XKR9: variants seen among roughly 807,000 people sequenced by gnomAD.
XKR9 encodes XK-related protein 9.
Under a neutral mutation model 32.0 loss-of-function variants are expected in XKR9, and 32 were observed. The observed-to-expected ratio is 1.00, with a 90% CI of 0.76 to 1.34. The LOEUF is 1.34. XKR9 is among the 40% of genes most tolerant of loss of function. The pLI, the probability that XKR9 is intolerant of heterozygous loss-of-function variation, is 0.00. For missense variants in XKR9, 546 were observed against 429.7 expected (o/e 1.27, Z -2.39); for synonymous variants, 168 against 143.4 (o/e 1.17, Z -1.22).
intron 2 of XKR9, among the ~76,000 whole-genome samples, chr8:70,680,562 T>C (rs1162336060): frequency 2.0e-5 from 3 of 152,122 alleles, no homozygotes; most frequent in African/African-American, 7.2e-5. Context: ...GTGATAAATT[T>C]CTTTGTGGGT....
At chr8:71,017,588 G>C in the XKR9 span, among the ~76,000 whole-genome samples, 1 of 152,166 alleles carries the variant, frequency 6.6e-6, no homozygotes, top group Non-Finnish European at 1.5e-5. Flanking sequence ...AACTCTAAGG[G>C]GTGTTGATGG....
At chr8:70,676,071 A>G (rs1818876036) in intron 2 of XKR9, among the ~76,000 whole-genome samples, 1 of 152,238 alleles carries the variant, frequency 6.6e-6, no homozygotes, top group African/African-American at 2.4e-5. Context: ...CAGGCTGTAC[A>G]GGAAGCAAAG....
chr8:70,845,806 A>G, the XKR9 span, among the ~76,000 whole-genome samples: 1 of 152,180 alleles, frequency 6.6e-6, no homozygotes, highest in Non-Finnish European at 1.5e-5. Context: ...GACATATATG[A>G]CATCCTAAAG....
intron 4 of XKR9, among the ~76,000 whole-genome samples, chr8:70,716,080 TGG>T: frequency 6.6e-6 from 1 of 151,936 alleles, no homozygotes; most frequent in African/African-American, 2.4e-5. Context: ...TAAGAGCAAC[TGG>T]CTTAGAGTGG....
chr8:70,819,973 G>A, the XKR9 span, among the ~76,000 whole-genome samples: 1 of 152,136 alleles, frequency 6.6e-6, no homozygotes. Flanking sequence ...CTTCTAACAA[G>A]GCCCCTTTGG....
At chr8:71,063,967 T>C in the XKR9 span, among the ~76,000 whole-genome samples, 47 of 152,342 alleles carry the variant, frequency 3.1e-4, no homozygotes, top group Admixed American at 1.6e-3. Flanking sequence ...TCTTTTACCT[T>C]GTGTCTTCTT....
chr8:70,961,452 C>T, the XKR9 span, among the ~76,000 whole-genome samples: 93 of 152,192 alleles, frequency 6.1e-4, 1 homozygote, highest in Admixed American at 2.2e-3. Flanking sequence ...TTATTCAAGA[C>T]GGGGAAATGG....
the XKR9 span, among the ~76,000 whole-genome samples, chr8:70,890,226 T>C: frequency 1.3e-5 from 2 of 151,904 alleles, no homozygotes; most frequent in Non-Finnish European, 3.0e-5. Context: ...TAGAGTTTTC[T>C]ATATATAAGA....
At chr8:70,767,619 C>T (rs916080448) in intron 2 of XKR9, among the ~76,000 whole-genome samples, 4 of 151,242 alleles carry the variant, frequency 2.6e-5, no homozygotes, top group African/African-American at 9.7e-5. Context: ...GCCTCAGCCT[C>T]CCAAGTAGCT....
chr8:70,725,052 A>G (rs1224014623), intron 4 of XKR9, among the ~76,000 whole-genome samples: 1 of 152,174 alleles, frequency 6.6e-6, no homozygotes, highest in Non-Finnish European at 1.5e-5. Flanking sequence ...ACGTGGCACC[A>G]GGAAGAAAAA....
chr8:70,848,458 G>C, the XKR9 span, among the ~76,000 whole-genome samples: 2 of 151,808 alleles, frequency 1.3e-5, no homozygotes, highest in Non-Finnish European at 2.9e-5. Flanking sequence ...TTATGCAAGA[G>C]AAAGAAATGA....
At chr8:70,731,836 T>A (rs529560252) in intron 4 of XKR9, among the ~76,000 whole-genome samples, 20 of 152,128 alleles carry the variant, frequency 1.3e-4, no homozygotes, top group African/African-American at 4.8e-4. Context: ...CATCGACAAT[T>A]CCTTCTGAGA....
At chr8:70,741,359 C>T (rs1180389821) in intron 2 of XKR9, among the ~76,000 whole-genome samples, 2 of 152,240 alleles carry the variant, frequency 1.3e-5, no homozygotes, top group East Asian at 3.9e-4. Flanking sequence ...AGGCCCTCAT[C>T]AGATGCTAGT....
At chr8:70,761,046 T>C (rs749972935) in intron 2 of XKR9, among the ~76,000 whole-genome samples, 8 of 152,246 alleles carry the variant, frequency 5.3e-5, no homozygotes, top group African/African-American at 9.6e-5. Context: ...CATGATCTTA[T>C]TCTTTTCTAT....
At chr8:70,855,323 T>C in the XKR9 span, among the ~76,000 whole-genome samples, 1 of 152,020 alleles carries the variant, frequency 6.6e-6, no homozygotes, top group African/African-American at 2.4e-5. Context: ...GAGAACTACA[T>C]GATGAATGCA....
intron 2 of XKR9, chr8:70,780,965 C>G (rs1335881963): frequency 1.3e-5 from 2 of 151,468 alleles, no homozygotes; most frequent in Non-Finnish European, 2.9e-5. Flanking sequence ...TTCAGTGATG[C>G]TGATGTTAAT....
chr8:71,035,562 A>G, the XKR9 span, among the ~76,000 whole-genome samples: 1 of 152,230 alleles, frequency 6.6e-6, no homozygotes, highest in African/African-American at 2.4e-5. Flanking sequence ...AGCATCTACT[A>G]TTAGCAGAGC....
At chr8:70,757,671 C>A (rs1012669536) in intron 2 of XKR9, among the ~76,000 whole-genome samples, 4 of 152,176 alleles carry the variant, frequency 2.6e-5, no homozygotes, top group African/African-American at 9.7e-5. Flanking sequence ...ACTGCAACCT[C>A]TGCCTCTGGG....
At chr8:70,833,366 A>G in the XKR9 span, among the ~76,000 whole-genome samples, 1 of 152,334 alleles carries the variant, frequency 6.6e-6, no homozygotes, top group East Asian at 1.9e-4. Context: ...ATTGTTTATT[A>G]GTATTCAGAT....
Sources: allele counts gnomAD v4.1 joint callset (sites outside exome capture counted in the v4.1 genomes callset), GRCh38; gene constraint gnomAD v4.1.1; transcripts MANE v1.5; gene names NCBI Gene and HGNC (gene_info 2026-07-23, HGNC 2026-07-21).